PRUNE2: variants seen among roughly 807,000 people sequenced by gnomAD.
PRUNE2 encodes the protein protein prune homolog 2.
PRUNE2 carries 164 observed loss-of-function variants against 252.0 expected under a neutral mutation model. That is an observed-to-expected ratio of 0.65 (90% CI 0.57 to 0.74). The LOEUF (loss-of-function observed/expected upper bound fraction) is 0.74. PRUNE2 is among the 30% of genes least tolerant of loss of function. The pLI is 0.00. For synonymous variants in PRUNE2, 1,292 were observed against 1,350.2 expected (o/e 0.96, Z 0.94); for missense variants, 3,495 against 3,711.0 (o/e 0.94, Z 1.51).
rs1197665779 is a variant in PRUNE2 at position 76,652,489 on chromosome 9, C to T, written c.8551G>A (p.Gly2851Ser). The T allele has an allele frequency of 6.2e-7, 1 of 1,611,312 alleles. No individual in the cohort carries two copies. The highest frequency in any genetic ancestry group is 1.3e-5 in the African/African-American group (1 of 74,836). The change falls in exon 11 of 19, where the codon GGC becomes AGC. Residue 2851 changes from glycine (G) to serine (S), a missense_variant. Coordinates refer to ENST00000376718, the MANE Select transcript of PRUNE2 (RefSeq NM_015225.3). Reference sequence around the variant, plus strand: ...TGCCAACTTAGTGACTTACCATGGCCAGTGTACTCAAAAGAATCTGCTTCA... The same window carrying T: ...TGCCAACTTAGTGACTTACCATGGCTAGTGTACTCAAAAGAATCTGCTTCA... ...PDEADSFEYTGHDPTANKDSG... is the reference protein window; with the variant it reads ...PDEADSFEYTSHDPTANKDSG...
chr9:76,632,489 T>C (rs1838099590), intron 15 of PRUNE2, among the ~76,000 whole-genome samples: 1 of 152,294 alleles, frequency 6.6e-6, no homozygotes, highest in African/African-American at 2.4e-5. Flanking sequence ...GCCTATCATT[T>C]CTAGGCTGTG....
intron 9 of PRUNE2, among the ~76,000 whole-genome samples, chr9:76,683,264 C>A (rs939235994): frequency 5.3e-5 from 8 of 152,140 alleles, no homozygotes; most frequent in Admixed American, 2.0e-4. Flanking sequence ...TTTGTTGAAA[C>A]CTCTGGGAAA....
At chr9:76,720,051 A>T (rs187651705) in intron 6 of PRUNE2, among the ~76,000 whole-genome samples, 4 of 152,322 alleles carry the variant, frequency 2.6e-5, no homozygotes, top group Admixed American at 2.6e-4. Context: ...AAACAATCTA[A>T]ATGTCCAACA....
intron 1 of PRUNE2, among the ~76,000 whole-genome samples, chr9:76,891,679 T>C (rs1278733260): frequency 6.6e-6 from 1 of 152,346 alleles, no homozygotes; most frequent in Non-Finnish European, 1.5e-5. Flanking sequence ...TTTTCTTTTA[T>C]GTAGATGAAT....
At chr9:76,825,861 G>C (rs1294550227) in intron 5 of PRUNE2, among the ~76,000 whole-genome samples, 1 of 152,194 alleles carries the variant, frequency 6.6e-6, no homozygotes, top group Admixed American at 6.5e-5. Flanking sequence ...TCCTGACAAA[G>C]CCTAGACTCT....
intron 1 of PRUNE2, among the ~76,000 whole-genome samples, chr9:76,855,064 C>CAAAAA (rs772890225): frequency 7.2e-4 from 56 of 78,164 alleles, no homozygotes; most frequent in African/African-American, 3.2e-3. Context: ...GACTCCATCT[C>CAAAAA]AAAAAAAAAA....
chr9:76,649,785 A>G (rs1414128543), intron 11 of PRUNE2, among the ~76,000 whole-genome samples: 4 of 152,224 alleles, frequency 2.6e-5, no homozygotes, highest in South Asian at 2.1e-4. Context: ...AGAGAAGACC[A>G]ATTGAATATA....
chr9:76,654,079 C>A (rs1848391510), intron 10 of PRUNE2, among the ~76,000 whole-genome samples: 1 of 152,116 alleles, frequency 6.6e-6, no homozygotes, highest in South Asian at 2.1e-4. Flanking sequence ...TTATAGGACA[C>A]CCAGTTGGTG....
rs138523967 is a variant in PRUNE2 at position 76,612,021 on chromosome 9, C to G, written c.*2549G>C. 1.5e-3 allele frequency: 236 copies of G among 152,708 alleles called. No homozygotes were observed. The highest frequency in any genetic ancestry group is 5.2e-3 in the African/African-American group (215 of 41,572). 9.5% of individuals were successfully genotyped at this position (152,708 alleles called of 1,614,324 possible). ...CATGTGAATGTTTACCTCTGTCTAC[C>G]TATCTGCTTAGGGATTATTTTTCTA... On this transcript the variant is annotated 3_prime_UTR_variant, in exon 19 of 19. Coordinates refer to ENST00000376718, the MANE Select transcript of PRUNE2 (RefSeq NM_015225.3).
chr9:76,693,829 C>A (rs1455503929), intron 9 of PRUNE2, among the ~76,000 whole-genome samples: 1 of 152,094 alleles, frequency 6.6e-6, no homozygotes, highest in Admixed American at 6.6e-5. Flanking sequence ...CTACAAAATT[C>A]TTCATAATTA....
Position 76,873,147 on chromosome 9 carries a change from A to G in PRUNE2, c.37-18939T>C, listed in dbSNP as rs576711845. ...TCCGAGGAAGCCTGGCCCTGACAAC[A>G]TCTTGATCTTGAACTTCCAGCCTCC... On this transcript the variant is annotated intron_variant, in intron 1 of 18. Coordinates refer to ENST00000376718, the MANE Select transcript of PRUNE2 (RefSeq NM_015225.3). Among the ~76,000 whole-genome samples, 27 of 151,902 alleles carry G rather than the reference A, an allele frequency of 1.8e-4. No homozygotes were observed. The South Asian group carries it at 3.3e-3, about 19-fold the overall frequency.
chr9:76,700,441 T>C (rs1168853108), intron 9 of PRUNE2, among the ~76,000 whole-genome samples: 1 of 152,212 alleles, frequency 6.6e-6, no homozygotes, highest in Non-Finnish European at 1.5e-5. Context: ...TTTGCTTCTG[T>C]GATTACCTTC....
Position 76,705,107 on chromosome 9 carries a change from C to T in PRUNE2, c.7167G>A (p.Leu2389=), listed in dbSNP as rs1329465643. The T allele has an allele frequency of 1.2e-6, 2 of 1,613,992 alleles. No homozygotes were observed. The stretch of plus-strand genomic sequence containing the variant: ...AATCAAAGGGAGGTGTGTACGGTGC[C>T]AGCGACTGCTTCAGAGAATCTTCCT... ...PLEEDSLKQS[L]APYTPPFDLS... is the part of the protein sequence containing the mutation. The change falls in exon 8 of 19, where the codon CTG becomes CTA. Residue 2389 remains leucine, a synonymous_variant. Coordinates refer to ENST00000376718, the MANE Select transcript of PRUNE2 (RefSeq NM_015225.3).
At chr9:76,716,092 G>T (rs2047130444) in intron 6 of PRUNE2, among the ~76,000 whole-genome samples, 1 of 151,984 alleles carries the variant, frequency 6.6e-6, no homozygotes, top group Admixed American at 6.5e-5. Flanking sequence ...TCCTGGCCGG[G>T]TCACTGAAAC....
At position 76,703,460 on chromosome 9, in the gene PRUNE2, GT is replaced by G. The variant is rs1436194189; in HGVS notation, c.8152del (p.Thr2718ProfsTer18). On this transcript the variant is annotated frameshift_variant, in exon 9 of 19. Transcript: ENST00000376718. LOFTEE classifies it high-confidence loss of function. ...AAGCATTTCCCATTCATTGTCATGGGTGACAGCCTGCAACGTAACTGCATCC... is the reference window on the plus strand; with the variant it reads ...AAGCATTTCCCATTCATTGTCATGGGGACAGCCTGCAACGTAACTGCATCC... ...GPDAVTLQAV[T>X]HDNEWEMLSP... 1 of 87,916 alleles carries G rather than the reference GT, an allele frequency of 1.1e-5. No individual in the cohort carries two copies. The highest frequency in any genetic ancestry group is 1.5e-5 in the Non-Finnish European group (1 of 68,320). The allele number at this position is 87,916 out of a possible 1,614,324, so 5.4% of individuals were successfully genotyped here. A position where few individuals can be genotyped will look rare whatever the true frequency, so the allele number is the denominator to read the frequency against.
intron 6 of PRUNE2, among the ~76,000 whole-genome samples, chr9:76,821,659 A>G (rs1332353611): frequency 6.6e-6 from 1 of 152,178 alleles, no homozygotes; most frequent in East Asian, 1.9e-4. Context: ...ATTATACACA[A>G]ATGTCCTCCT....
chr9:76,816,627 G>A (rs887960299), intron 6 of PRUNE2, among the ~76,000 whole-genome samples: 3 of 152,070 alleles, frequency 2.0e-5, no homozygotes, highest in Non-Finnish European at 2.9e-5. Flanking sequence ...TGGAATTTTC[G>A]ACAAAATATG....
intron 4 of PRUNE2, among the ~76,000 whole-genome samples, chr9:76,837,855 T>C (rs1233557083): frequency 6.6e-6 from 1 of 150,882 alleles, no homozygotes; most frequent in Non-Finnish European, 1.5e-5. Flanking sequence ...CACTGCAAGC[T>C]CTGCCTCCTG....
At chr9:76,879,894 TATATATA>T (rs2061668635) in intron 1 of PRUNE2, among the ~76,000 whole-genome samples, 1 of 90,550 alleles carries the variant, frequency 1.1e-5, no homozygotes, top group Non-Finnish European at 2.1e-5. Context: ...TATATATATA[TATATATA>T]TATTTTTTTT....
Sources: allele counts gnomAD v4.1 joint callset (sites outside exome capture counted in the v4.1 genomes callset), GRCh38; gene constraint gnomAD v4.1.1; transcripts MANE v1.5; gene names NCBI Gene and HGNC (gene_info 2026-07-23, HGNC 2026-07-21).